Variants in RBFOX1 observed in about 807,000 individuals in gnomAD.
The protein encoded by RBFOX1 is RNA binding fox-1 homolog 1, also known as RNA binding protein fox-1 homolog 1.
Under a neutral mutation model 57.7 loss-of-function variants are expected in RBFOX1, and 8 were observed. The observed-to-expected ratio is 0.14, with a 90% CI of 0.08 to 0.25. The LOEUF (loss-of-function observed/expected upper bound fraction) is 0.25. Among genes scored for constraint, RBFOX1 ranks in the 10% least tolerant of loss-of-function variants. The pLI is 1.00. For missense variants in RBFOX1, 611 were observed against 548.5 expected (o/e 1.11, Z -1.14); for synonymous variants, 326 against 222.4 (o/e 1.47, Z -4.15).
At chr16:6,390,943 G>A (rs914932487) in intron 2 of RBFOX1, among the ~76,000 whole-genome samples, 1 of 152,160 alleles carries the variant, frequency 6.6e-6, no homozygotes, top group African/African-American at 2.4e-5. Flanking sequence ...CAGCACTACT[G>A]ACATTCGAAG....
chr16:5,621,160 T>C (rs1013898220), intron 3 of RBFOX1, among the ~76,000 whole-genome samples: 3 of 152,174 alleles, frequency 2.0e-5, no homozygotes. Flanking sequence ...TTATTTTTTG[T>C]AGAAATGGGG....
At chr16:7,547,441 G>A (rs191524553) in intron 5 of RBFOX1, among the ~76,000 whole-genome samples, 1 of 152,196 alleles carries the variant, frequency 6.6e-6, no homozygotes, top group Non-Finnish European at 1.5e-5. Context: ...GAGAAGAAAA[G>A]ACAAGAGAAG....
At chr16:5,617,101 C>T (rs900642812) in intron 3 of RBFOX1, among the ~76,000 whole-genome samples, 2 of 151,864 alleles carry the variant, frequency 1.3e-5, no homozygotes, top group Admixed American at 1.3e-4. Context: ...CTCACTCCCT[C>T]CTTCCCTCCC....
chr16:5,542,837 A>T lies in RBFOX1; in HGVS notation c.259-56065A>T, dbSNP rs60261880. On this transcript the variant is annotated intron_variant, in intron 2 of 2. Transcript: ENST00000585867. ...ATAAGGCAGAGTCCCCTAAGGTTCA[A>T]TGTCCACTCAATGACCCGTTCCAGG... Among the ~76,000 whole-genome samples, 1,258 of 152,170 alleles carry T rather than the reference A, an allele frequency of 8.3e-3. 24 individuals carry two copies. Among genetic ancestry groups the T allele is most frequent in the African/African-American group, 0.028 (1,172 of 41,500 alleles).
chr16:7,356,570 A>G (rs1436996889), intron 4 of RBFOX1, among the ~76,000 whole-genome samples: 2 of 152,102 alleles, frequency 1.3e-5, no homozygotes, highest in Admixed American at 6.5e-5. Flanking sequence ...ACAGCATGAT[A>G]ATGAGTTTGG....
At chr16:5,956,640 ATATATATATATATATATT>A (rs2059644316) in intron 4 of RBFOX1, among the ~76,000 whole-genome samples, 1 of 101,510 alleles carries the variant, frequency 9.9e-6, no homozygotes, top group Non-Finnish European at 1.9e-5. Flanking sequence ...CAAAAAACAA[ATATATATATATATATATT>A]TATATATATA....
At chr16:7,694,743 G>A (rs995266069) in intron 14 of RBFOX1, among the ~76,000 whole-genome samples, 2 of 152,098 alleles carry the variant, frequency 1.3e-5, no homozygotes, top group Admixed American at 1.3e-4. Flanking sequence ...CAATACAAAA[G>A]TTGTTTAACA....
At position 6,671,011 on chromosome 16, in the gene RBFOX1, A is replaced by C. The variant is rs184817165; in HGVS notation, c.-16+16361A>C. On this transcript the variant is annotated intron_variant, in intron 3 of 15. Coordinates refer to ENST00000550418, the MANE Select transcript of RBFOX1 (RefSeq NM_018723.4). ...CGAGACTCCATCTCAAAAAAACAAA[A>C]AACTGGTTTCCTTATTTACTTGGTA... Among the ~76,000 whole-genome samples the C allele has an allele frequency of 4.3e-3, 649 of 152,252 alleles. 2 individuals carry two copies. Among genetic ancestry groups the C allele is most frequent in the Non-Finnish European group, 7.1e-3 (480 of 68,020 alleles).
chr16:6,058,392 C>G (rs1029393397), intron 1 of RBFOX1, among the ~76,000 whole-genome samples: 6 of 151,860 alleles, frequency 4.0e-5, no homozygotes, highest in African/African-American at 1.5e-4. Context: ...CCAACCTTTG[C>G]TAACTTCTTG....
chr16:6,214,727 G>C (rs1274752411), intron 1 of RBFOX1, among the ~76,000 whole-genome samples: 1 of 128,980 alleles, frequency 7.8e-6, no homozygotes, highest in Non-Finnish European at 1.6e-5. Context: ...GAAGGAGAGA[G>C]GGAGAAGGAG....
intron 3 of RBFOX1, among the ~76,000 whole-genome samples, chr16:6,892,076 T>C (rs543403198): frequency 3.0e-4 from 45 of 152,230 alleles, no homozygotes; most frequent in African/African-American, 1.0e-3. Context: ...ATGACATAGA[T>C]CCCATTTCTT....
chr16:7,273,220 T>C lies in RBFOX1; in HGVS notation c.27+221122T>C, dbSNP rs901728533. 4.4e-3 allele frequency among the ~76,000 whole-genome samples: 541 copies of C among 123,104 alleles called. 18 individuals are homozygous for C. Among genetic ancestry groups the C allele is most frequent in the Non-Finnish European group, 5.7e-3 (334 of 58,714 alleles). 80.8% of individuals were successfully genotyped at this position (123,104 alleles called of 152,430 possible). A position where few individuals can be genotyped will look rare whatever the true frequency, so the allele number is the denominator to read the frequency against. On this transcript the variant is annotated intron_variant, in intron 4 of 15. Transcript: ENST00000550418. ...TTCCTCCCTCCCTTCCTTCCTTCCT[T>C]CCTTCCTTCCTTCCTTCCTTCCTTC...
At chr16:5,305,679 G>A (rs769726344) in intron 1 of RBFOX1, among the ~76,000 whole-genome samples, 1 of 152,122 alleles carries the variant, frequency 6.6e-6, no homozygotes, top group African/African-American at 2.4e-5. Flanking sequence ...ACATGCAGAA[G>A]CAAGGTGGCA....
intron 3 of RBFOX1, among the ~76,000 whole-genome samples, chr16:6,667,126 G>T (rs2098737971): frequency 6.6e-6 from 1 of 152,082 alleles, no homozygotes; most frequent in African/African-American, 2.4e-5. Flanking sequence ...GGGGGAGAGG[G>T]AGGCAGGTAA....
At chr16:7,638,636 A>C (rs1293321637) in intron 11 of RBFOX1, among the ~76,000 whole-genome samples, 1 of 151,166 alleles carries the variant, frequency 6.6e-6, no homozygotes, top group South Asian at 2.1e-4. Flanking sequence ...GGATGTTATT[A>C]ATATTTTCAG....
chr16:6,019,073 TCA>T lies in RBFOX1; in HGVS notation c.-1035_-1034del, dbSNP rs747337918. ...GGGCTGCTCGCTGCTTGTCGCGCGC[TCA>T]CACACACACAGACACACACGCACAC... On this transcript the variant is annotated 5_prime_UTR_variant, in exon 1 of 16. Transcript: ENST00000550418. The surrounding 1 kb of genome is among the most constrained non-coding windows in gnomAD (Gnocchi z 4.2). 405 of 977,886 alleles carry T rather than the reference TCA, an allele frequency of 4.1e-4. No individual in the cohort carries two copies. The highest frequency in any genetic ancestry group is 4.6e-4 in the Non-Finnish European group (380 of 824,184). The allele number at this position is 977,886 out of a possible 1,614,324, so 60.6% of individuals were successfully genotyped here.
intron 3 of RBFOX1, among the ~76,000 whole-genome samples, chr16:5,720,927 C>T (rs983437281): frequency 5.9e-5 from 9 of 152,114 alleles, no homozygotes; most frequent in African/African-American, 1.9e-4. Context: ...CCTTGTATTT[C>T]TCAGTGAATT....
At chr16:6,429,941 T>C (rs2094030456) in intron 2 of RBFOX1, among the ~76,000 whole-genome samples, 1 of 151,944 alleles carries the variant, frequency 6.6e-6, no homozygotes, top group Non-Finnish European at 1.5e-5. Flanking sequence ...AAACCCCCTC[T>C]CTACTAAAAA....
chr16:6,230,667 C>A (rs187266366), intron 1 of RBFOX1, among the ~76,000 whole-genome samples: 1 of 152,066 alleles, frequency 6.6e-6, no homozygotes, highest in Non-Finnish European at 1.5e-5. Flanking sequence ...TTTCTTCACG[C>A]ATAACAATTC....
Sources: gnomAD v4.1 joint callset for allele counts (sites outside exome capture counted in the v4.1 genomes callset) on GRCh38, gnomAD v4.1.1 for gene constraint, Gnocchi (gnomAD v3.1) non-coding constraint, MANE v1.5 for transcripts, NCBI Gene and HGNC (gene_info 2026-07-23, HGNC 2026-07-21) for gene names.